The following RACGAP1 variants were observed in gnomAD, a reference collection of about 807,000 sequenced individuals.
RACGAP1 encodes rac GTPase-activating protein 1.
A neutral mutation model predicts 78.1 loss-of-function variants in RACGAP1; 30 were observed. The observed-to-expected ratio is 0.38, with a 90% CI of 0.29 to 0.52. The LOEUF (loss-of-function observed/expected upper bound fraction) is 0.52. Ranked by LOEUF, RACGAP1 falls within the 20% of genes least tolerant of loss-of-function variation. RACGAP1 has a pLI of 0.82. For missense variants in RACGAP1, 587 were observed against 777.1 expected (o/e 0.76, Z 2.91); for synonymous variants, 231 against 264.8 (o/e 0.87, Z 1.24).
rs565233894 is a variant in RACGAP1, at chr12:50,004,244, A to G, written c.486T>C (p.Asp162=). Residue 162 remains aspartate (D), a synonymous_variant, in exon 5 of 17, where the codon GAT becomes GAC. Coordinates refer to ENST00000312377, the MANE Select transcript of RACGAP1 (RefSeq NM_001319999.2). ...ATCAAATGTTTATTACCAGTGATTCATCAGTCTTGTCAAAGCTGATATCTG... is the reference window on the plus strand; with the variant it reads ...ATCAAATGTTTATTACCAGTGATTCGTCAGTCTTGTCAAAGCTGATATCTG... ...ILSDISFDKT[D]ESLDWDSSLV... The G allele has an allele frequency of 1.9e-5, 31 of 1,605,816 alleles. No homozygotes were observed. The highest frequency in any genetic ancestry group is 1.7e-4 in the African/African-American group (13 of 74,980).
chr12:50,001,305 A>G, intron 6 of RACGAP1, 53 bp from the exon 7 acceptor site: 2 of 1,435,470 alleles, frequency 1.4e-6, no homozygotes, highest in Non-Finnish European at 9.8e-7. Context: ...TCTGAAGCAC[A>G]GAAGATAAAA....
At chr12:50,005,482 A>G (rs538138945) in intron 3 of RACGAP1, 90 bp from the exon 4 acceptor site, 1 of 1,472,434 alleles carries the variant, frequency 6.8e-7, no homozygotes, top group South Asian at 1.2e-5. Flanking sequence ...AGAAGACATT[A>G]AAATGCAGCA....
At position 49,998,113 on chromosome 12, in the gene RACGAP1, T is replaced by A. The variant is rs374278208; in HGVS notation, c.880-909A>T. On this transcript the variant is annotated intron_variant, in intron 9 of 16. Transcript: ENST00000312377. ...ACTTGTTTACAAAGAGCAGAAAACTTGGATGTTGGCAGGGCATGGTGGCTC... is the reference window on the plus strand; with the variant it reads ...ACTTGTTTACAAAGAGCAGAAAACTAGGATGTTGGCAGGGCATGGTGGCTC... Among the ~76,000 whole-genome samples the A allele has an allele frequency of 1.4e-4, 21 of 151,926 alleles. No individual in the cohort carries two copies. The East Asian group carries it at 1.6e-3, about 11-fold the overall frequency.
chr12:50,025,910 A>G (rs572895866), upstream of RACGAP1, among the ~76,000 whole-genome samples: 17 of 152,210 alleles, frequency 1.1e-4, no homozygotes, highest in Non-Finnish European at 1.9e-4. Flanking sequence ...TGATGTATCC[A>G]TTCAGACTTT....
intron 1 of RACGAP1, among the ~76,000 whole-genome samples, chr12:50,024,954 C>T (rs963282379): frequency 1.3e-4 from 19 of 151,950 alleles, no homozygotes; most frequent in Non-Finnish European, 4.4e-5. Flanking sequence ...GATGTCATTG[C>T]CTTGCCTTGC....
chr12:50,025,288 T>G, intron 1 of RACGAP1, 110 bp downstream of exon 1: 1 of 985,010 alleles, frequency 1.0e-6, no homozygotes, highest in Non-Finnish European at 1.2e-6. Context: ...CCTGTCCCGC[T>G]GTCCCGCTGT....
chr12:50,029,956 T>C (rs1269754347), upstream of RACGAP1, among the ~76,000 whole-genome samples: 1 of 151,976 alleles, frequency 6.6e-6, no homozygotes, highest in Non-Finnish European at 1.5e-5. Context: ...CTATGTGAAG[T>C]GATGCATAGC....
At chr12:50,001,129 T>A in intron 7 of RACGAP1, 43 bp downstream of exon 7, 1 of 1,439,034 alleles carries the variant, frequency 6.9e-7, no homozygotes, top group Non-Finnish European at 9.7e-7. Context: ...GTTTTAATGC[T>A]TGGGGCCAGT....
chr12:49,992,890 C>T (rs944044732), intron 12 of RACGAP1, among the ~76,000 whole-genome samples: 1 of 152,130 alleles, frequency 6.6e-6, no homozygotes, highest in African/African-American at 2.4e-5. Context: ...CAGTTGGCAA[C>T]TGATGTGCTA....
chr12:50,032,766 T>C (rs888578674), intron 1 of RACGAP1, among the ~76,000 whole-genome samples: 17 of 152,178 alleles, frequency 1.1e-4, no homozygotes, highest in Non-Finnish European at 1.8e-4. Flanking sequence ...TAATCTCCCA[T>C]GTCCGGCGAG....
At chr12:50,014,130 C>G (rs1041387915) in intron 2 of RACGAP1, among the ~76,000 whole-genome samples, 1 of 152,098 alleles carries the variant, frequency 6.6e-6, no homozygotes, top group African/African-American at 2.4e-5. Flanking sequence ...AAGCAAGATA[C>G]CACAAGTAAG....
intron 2 of RACGAP1, among the ~76,000 whole-genome samples, chr12:50,015,834 A>G (rs1289605526): frequency 6.7e-6 from 1 of 150,360 alleles, no homozygotes; most frequent in African/African-American, 2.5e-5. Context: ...AAATTTAAAA[A>G]AAAATTTTTT....
At chr12:49,993,732 GAA>G (rs1948054134) in intron 12 of RACGAP1, among the ~76,000 whole-genome samples, 1 of 131,306 alleles carries the variant, frequency 7.6e-6, no homozygotes, top group African/African-American at 2.7e-5. Flanking sequence ...GGGCGACAGA[GAA>G]AGACTCCGTC....
intron 1 of RACGAP1, among the ~76,000 whole-genome samples, chr12:50,022,447 C>T (rs568092900): frequency 5.9e-5 from 9 of 151,996 alleles, no homozygotes; most frequent in African/African-American, 1.7e-4. Context: ...CCAGGCATGA[C>T]GGTGCATGCC....
At chr12:49,995,120 G>A (rs1948168079) in intron 10 of RACGAP1, among the ~76,000 whole-genome samples, 1 of 152,082 alleles carries the variant, frequency 6.6e-6, no homozygotes, top group African/African-American at 2.4e-5. Flanking sequence ...AGGCCGAGGT[G>A]GGCGGATCAC....
intron 1 of RACGAP1, chr12:50,031,950 C>G (rs1950339636): frequency 6.2e-6 from 1 of 160,010 alleles, no homozygotes; most frequent in Admixed American, 6.6e-5. Context: ...AGTTCAAGAC[C>G]AGCCTGGCCA....
Position 49,992,616 on chromosome 12 carries a change from T to G in RACGAP1, c.1379A>C (p.Gln460Pro). The G allele has an allele frequency of 6.2e-7, 1 of 1,614,098 alleles. No homozygotes were observed. The highest frequency in any genetic ancestry group is 8.5e-7 in the Non-Finnish European group (1 of 1,180,016). ...DEDNSIAAMY[Q>P]AVGELPQANR... is the part of the protein sequence containing the mutation. Reference sequence around the variant, plus strand: ...GGCCTGGGGCAGTTCACCAACAGCTTGGTACATGGCAGCTATGCTGTTGTC... The same window carrying G: ...GGCCTGGGGCAGTTCACCAACAGCTGGGTACATGGCAGCTATGCTGTTGTC... Residue 460 changes from glutamine (Q) to proline (P), a missense_variant, in exon 13 of 17, where the codon CAA becomes CCA. By Grantham distance (76) the Gln-to-Pro change is moderately conservative (BLOSUM62 -1). Transcript: ENST00000312377.
In RACGAP1 at chr12:49,990,388, T is replaced by C. The variant is rs2292720; in HGVS notation, c.1824-45A>G. 122,663 of 1,514,782 alleles carry C rather than the reference T, an allele frequency of 0.081. 5,825 individuals carry two copies. The highest frequency in any genetic ancestry group is 0.16 in the South Asian group (13,985 of 88,686). 93.8% of individuals were successfully genotyped at this position (1,514,782 alleles called of 1,614,324 possible). ...AACTGGAAAAATATTCTATAAAAAA[T>C]GGTTGAATAAACAACTATAATATTA... is the stretch of plus-strand genomic sequence containing the variant. On this transcript the variant is annotated intron_variant, in intron 16 of 16. Transcript: ENST00000312377.
upstream of RACGAP1, among the ~76,000 whole-genome samples, chr12:50,026,025 G>C (rs1227874173): frequency 6.6e-6 from 1 of 152,190 alleles, no homozygotes; most frequent in African/African-American, 2.4e-5. Context: ...ACGAATGGAG[G>C]CGATAGCTCT....
Sources: allele counts gnomAD v4.1 joint callset (sites outside exome capture counted in the v4.1 genomes callset), GRCh38; gene constraint gnomAD v4.1.1; transcripts MANE v1.5; gene names NCBI Gene and HGNC (gene_info 2026-07-23, HGNC 2026-07-21).